The following OPHN1 variants were observed in gnomAD, a reference collection of about 807,000 sequenced individuals.
The protein encoded by OPHN1 is oligophrenin 1, also known as oligophrenin-1.
A neutral mutation model predicts 60.7 loss-of-function variants in OPHN1; 11 were observed. The observed-to-expected ratio is 0.18, with a 90% CI of 0.11 to 0.30. OPHN1 has a LOEUF of 0.30. OPHN1 is among the 10% of genes least tolerant of loss of function. The probability of loss-of-function intolerance (pLI) is 1.00; values close to 1 mark genes in which losing one functional copy is unlikely to be tolerated. For missense variants in OPHN1, 449 were observed against 611.0 expected (o/e 0.73, Z 2.80); for synonymous variants, 226 against 222.6 (o/e 1.02, Z -0.14).
intron 15 of OPHN1, among the ~76,000 whole-genome samples, chrX:68,123,414 T>C (rs1602171962): frequency 8.9e-6 from 1 of 111,838 alleles, no homozygotes; most frequent in South Asian, 3.7e-4. Context: ...TAATAGTAAG[T>C]ACACAGAAAA....
At chrX:68,122,323 G>A (rs2077153859) in intron 15 of OPHN1, among the ~76,000 whole-genome samples, 1 of 111,348 alleles carries the variant, frequency 9.0e-6, no homozygotes, top group African/African-American at 3.3e-5. Flanking sequence ...GATATGGATT[G>A]GATGAAAACA....
chrX:68,167,820 T>A (rs1465641758), intron 15 of OPHN1, among the ~76,000 whole-genome samples: 1 of 109,655 alleles, frequency 9.1e-6, no homozygotes, highest in Non-Finnish European at 1.9e-5. Flanking sequence ...ATAGCCAAGA[T>A]CCTGGAAGCA....
intron 6 of OPHN1, among the ~76,000 whole-genome samples, chrX:68,231,799 G>T: frequency 8.9e-6 from 1 of 111,925 alleles, no homozygotes; most frequent in Non-Finnish European, 1.9e-5. Flanking sequence ...GGTAGAAGGA[G>T]GGAGGGATAA....
chrX:68,431,664 G>A (rs961412108), intron 2 of OPHN1, among the ~76,000 whole-genome samples: 6 of 108,558 alleles, frequency 5.5e-5, no homozygotes, highest in Admixed American at 9.9e-5. Flanking sequence ...CTGATCTCAG[G>A]TGATTCACCC....
intron 18 of OPHN1, among the ~76,000 whole-genome samples, chrX:68,108,768 C>T (rs1038490278): frequency 9.0e-6 from 1 of 111,670 alleles, no homozygotes; most frequent in Non-Finnish European, 1.9e-5. Context: ...AGTTGATAAA[C>T]ACTTAGGTTC....
chrX:68,056,269 C>A (rs2076872742), intron 21 of OPHN1, among the ~76,000 whole-genome samples: 1 of 110,968 alleles, frequency 9.0e-6, no homozygotes, highest in Admixed American at 9.6e-5. Context: ...GTATTATAAT[C>A]ATTCCTCAAG....
intron 6 of OPHN1, among the ~76,000 whole-genome samples, chrX:68,217,356 G>T (rs1196310265): frequency 4.8e-4 from 54 of 111,565 alleles, no homozygotes; most frequent in African/African-American, 1.7e-3. Context: ...TGGGGGAGGG[G>T]CGCCCGCCAT....
intron 19 of OPHN1, among the ~76,000 whole-genome samples, chrX:68,082,646 T>G (rs1464914255): frequency 8.9e-6 from 1 of 112,383 alleles, no homozygotes; most frequent in East Asian, 2.8e-4. Context: ...TGTAGACAGA[T>G]GTGTTGTCAC....
At chrX:68,394,034 T>C (rs2078670137) in intron 2 of OPHN1, among the ~76,000 whole-genome samples, 1 of 105,195 alleles carries the variant, frequency 9.5e-6, no homozygotes, top group Non-Finnish European at 2.0e-5. Flanking sequence ...TAGCTGGGAC[T>C]ACAGGCGCCC....
intron 15 of OPHN1, among the ~76,000 whole-genome samples, chrX:68,155,776 A>G (rs2077306829): frequency 8.9e-6 from 1 of 112,028 alleles, no homozygotes; most frequent in East Asian, 2.8e-4. Context: ...CCTGATAAGC[A>G]GCTTACAAAA....
At chrX:68,210,304 AATCATTATTATC>A in intron 8 of OPHN1, 22 bp from the exon 9 acceptor site, 1 of 1,191,961 alleles carries the variant, frequency 8.4e-7, no homozygotes, top group Non-Finnish European at 1.1e-6. Flanking sequence ...TCATCATGAA[AATCATTATTATC>A]ATCATCATTA....
rs2076836230 is a variant in OPHN1, at chrX:68,047,522, T to A, written c.*9-359A>T. Among the ~76,000 whole-genome samples, 3 of 111,134 alleles carry A rather than the reference T, an allele frequency of 2.7e-5. No individual in the cohort carries two copies. The Admixed American group carries it at 2.9e-4, about 11-fold the overall frequency. ...ACTTCCTTTTAACAGGGACTTCACC[T>A]CCATAGGGGCTGATAAGGAGAAGCT... On this transcript the variant is annotated intron_variant, in intron 24 of 24. Coordinates refer to ENST00000355520, the MANE Select transcript of OPHN1 (RefSeq NM_002547.3).
intron 2 of OPHN1, among the ~76,000 whole-genome samples, chrX:68,332,071 A>C (rs1234241614): frequency 9.0e-6 from 1 of 111,406 alleles, no homozygotes; most frequent in Non-Finnish European, 1.9e-5. Context: ...AAGAAAAAAG[A>C]ATGAGAACGA....
chrX:68,050,953 T>A (rs936969184), intron 23 of OPHN1, among the ~76,000 whole-genome samples: 1 of 112,280 alleles, frequency 8.9e-6, no homozygotes, highest in Admixed American at 9.4e-5. Context: ...AAGAGAAATC[T>A]GGGGCCTTGA....
intron 19 of OPHN1, among the ~76,000 whole-genome samples, chrX:68,087,786 CT>C (rs1238847819): frequency 8.9e-6 from 1 of 112,004 alleles, no homozygotes; most frequent in Non-Finnish European, 1.9e-5. Context: ...CTATGTTGAG[CT>C]TTCTGGGTTC....
intron 5 of OPHN1, among the ~76,000 whole-genome samples, chrX:68,239,902 CG>C (rs1162807221): frequency 3.7e-5 from 4 of 109,551 alleles, no homozygotes; most frequent in Non-Finnish European, 7.6e-5. Flanking sequence ...CTCTGCCTCC[CG>C]GGTTCAAGCA....
intron 19 of OPHN1, among the ~76,000 whole-genome samples, chrX:68,091,435 C>T (rs950665745): frequency 5.4e-5 from 6 of 110,771 alleles, no homozygotes; most frequent in African/African-American, 1.3e-4. Flanking sequence ...GGCTGGTATC[C>T]GAGTTCTTTT....
intron 2 of OPHN1, among the ~76,000 whole-genome samples, chrX:68,395,653 G>A (rs900654912): frequency 9.1e-6 from 1 of 109,536 alleles, no homozygotes; most frequent in African/African-American, 3.3e-5. Context: ...CTCCATGTTG[G>A]TCAGGCTGTT....
chrX:68,409,769 T>A (rs1250393528), intron 2 of OPHN1, among the ~76,000 whole-genome samples: 1 of 112,207 alleles, frequency 8.9e-6, no homozygotes, highest in Non-Finnish European at 1.9e-5. Context: ...TGGAAATTCC[T>A]CTTGAAGTTT....
Sources: allele counts gnomAD v4.1 joint callset (sites outside exome capture counted in the v4.1 genomes callset), GRCh38; gene constraint gnomAD v4.1.1; transcripts MANE v1.5; gene names NCBI Gene and HGNC (gene_info 2026-07-23, HGNC 2026-07-21).